TAFA3: variants seen among roughly 807,000 people sequenced by gnomAD.
TAFA3 encodes the protein chemokine-like protein TAFA-3.
In TAFA3, 17 loss-of-function variants were observed where a neutral mutation model predicts 20.7. The observed-to-expected ratio is 0.82, with a 90% CI of 0.56 to 1.23. TAFA3 has a LOEUF of 1.23. Ranked by LOEUF, TAFA3 falls within the 50% of genes most tolerant of loss-of-function variation. TAFA3 has a pLI of 0.00. For missense variants in TAFA3, 174 were observed against 172.8 expected, an observed-to-expected ratio of 1.01 and a Z score of -0.04; for synonymous variants, 74 against 71.8, an observed-to-expected ratio of 1.03 and a Z score of -0.16.
At chr1:112,723,861 C>A in intron 4 of TAFA3, 152 bp from the exon 5 acceptor site, 1 of 1,514,414 alleles carries the variant, frequency 6.6e-7, no homozygotes, top group South Asian at 1.2e-5. Context: ...TACTGCCTCT[C>A]TGGGCAGCCT....
chr1:112,722,388 A>G, intron 3 of TAFA3, 40 bp downstream of exon 3: 2 of 1,565,040 alleles, frequency 1.3e-6, no homozygotes, highest in Non-Finnish European at 1.8e-6. Context: ...GGAGTTTCCC[A>G]GGACACCTGG....
At position 112,726,747 on chromosome 1, in the gene TAFA3, T is replaced by G; in HGVS notation, c.*107T>G. On this transcript the variant is annotated 3_prime_UTR_variant, in exon 6 of 6. Transcript: ENST00000361886. ...GATGGGGATTCACTTACATGCCTCA[T>G]GTCAAATGCAGCATCAGTCTTTCCG... 6.4e-7 allele frequency: 1 copy of G among 1,550,720 alleles called. No homozygotes were observed. Among genetic ancestry groups the G allele is most frequent in the Non-Finnish European group, 8.9e-7 (1 of 1,123,196 alleles).
At position 112,723,007 on chromosome 1, in the gene TAFA3, T is replaced by A; in HGVS notation, c.116-9T>A. On this transcript the variant is annotated splice_polypyrimidine_tract_variant and intron_variant, in intron 3 of 5. Coordinates refer to ENST00000361886, the MANE Select transcript of TAFA3 (RefSeq NM_182759.3). ...TGTTGGGCGTCTGATCCTGGGCGGC[T>A]CCCCTCAGTGCTTGTGCAGCAGGGC... 1 of 1,605,348 alleles carries A rather than the reference T, an allele frequency of 6.2e-7. No individual in the cohort carries two copies. Among genetic ancestry groups the A allele is most frequent in the Non-Finnish European group, 8.5e-7 (1 of 1,175,756 alleles).
At position 112,724,058 on chromosome 1, in the gene TAFA3, T is replaced by G; in HGVS notation, c.311T>G (p.Leu104Arg). ...QRWWCQMEPC[L>R]PGEECKVLPD... ...TGGTGGTGTCAGATGGAGCCCTGCC[T>G]GCCGGGGGAGGAGTGTAAGGTGCTC... Residue 104 changes from leucine (L) to arginine (R), a missense_variant, in exon 5 of 6, where the codon CTG (leucine) becomes CGG (arginine). Physicochemically the swap from Leu to Arg is moderately radical, Grantham distance 102. Transcript: ENST00000361886. 1 of 1,613,832 alleles carries G rather than the reference T, an allele frequency of 6.2e-7. No homozygotes were observed. The highest frequency in any genetic ancestry group is 1.1e-5 in the South Asian group (1 of 91,052).
chr1:112,724,150 G>A lies in TAFA3; in HGVS notation c.390+13G>A. On this transcript the variant is annotated intron_variant, in intron 5 of 5. Transcript: ENST00000361886. ...CAAAACCACCAAGGTACCCTGGGTG[G>A]GCACCTCATCCCACCCTCCCCTTCC... 2 of 1,575,556 alleles carry A rather than the reference G, an allele frequency of 1.3e-6. No homozygotes were observed. Among genetic ancestry groups the A allele is most frequent in the Non-Finnish European group, 1.7e-6 (2 of 1,158,832 alleles).
intron 5 of TAFA3, among the ~76,000 whole-genome samples, chr1:112,725,106 G>C (rs1675436218): frequency 6.6e-6 from 1 of 152,160 alleles, no homozygotes; most frequent in South Asian, 2.1e-4. Flanking sequence ...TGAAGGCCAT[G>C]ATCCTAAGGG....
chr1:112,719,501 T>C (rs1675279319), intron 1 of TAFA3, among the ~76,000 whole-genome samples: 1 of 152,076 alleles, frequency 6.6e-6, no homozygotes, highest in African/African-American at 2.4e-5. Flanking sequence ...GGCAGGAGCA[T>C]GGAAGTCGAA....
chr1:112,722,763 G>C (rs919718078), intron 3 of TAFA3, among the ~76,000 whole-genome samples: 1 of 152,192 alleles, frequency 6.6e-6, no homozygotes, highest in African/African-American at 2.4e-5. Context: ...GGGCTGGTGC[G>C]GGACTCTGTC....
At chr1:112,721,996 G>A (rs917270191) in intron 2 of TAFA3, among the ~76,000 whole-genome samples, 10 of 152,176 alleles carry the variant, frequency 6.6e-5, no homozygotes, top group African/African-American at 2.4e-4. Context: ...TGGGCCCATA[G>A]CTAGTTCATC....
rs1675485691 is a variant in TAFA3 at position 112,726,958 on chromosome 1, A to T, written c.*318A>T. ...TTTAGGTTAAAGTACTTGATACCAG[A>T]CTGCGGCTTCTGGGCCACATGCTAT... On this transcript the variant is annotated 3_prime_UTR_variant, in exon 6 of 6. Coordinates refer to ENST00000361886, the MANE Select transcript of TAFA3 (RefSeq NM_182759.3). 2.7e-6 allele frequency: 1 copy of T among 374,220 alleles called. No homozygotes were observed. Among genetic ancestry groups the T allele is most frequent in the African/African-American group, 2.1e-5 (1 of 47,970 alleles). 23.2% of individuals were successfully genotyped at this position (374,220 alleles called of 1,614,324 possible).
intron 2 of TAFA3, 53 bp from the exon 3 acceptor site, chr1:112,722,180 G>A: frequency 1.3e-6 from 2 of 1,582,668 alleles, no homozygotes; most frequent in South Asian, 1.1e-5. Flanking sequence ...GTGCCCAGGT[G>A]CACAGGGGAG....
chr1:112,726,799 G>A lies in TAFA3; in HGVS notation c.*159G>A, dbSNP rs1675481842. 1.9e-6 allele frequency: 2 copies of A among 1,079,820 alleles called. No individual in the cohort carries two copies. The highest frequency in any genetic ancestry group is 2.9e-5 in the South Asian group (2 of 68,166). 66.9% of individuals were successfully genotyped at this position (1,079,820 alleles called of 1,614,324 possible). ...GGCATTTCAGTTAAGCTGCTCAGCA[G>A]ATATGGATGGATCTGCAATCACATA... is the stretch of plus-strand genomic sequence containing the variant. On this transcript the variant is annotated 3_prime_UTR_variant, in exon 6 of 6. Coordinates refer to ENST00000361886, the MANE Select transcript of TAFA3 (RefSeq NM_182759.3).
At chr1:112,719,351 G>T (rs1192250904) in intron 1 of TAFA3, among the ~76,000 whole-genome samples, 52 bp downstream of exon 1, 1 of 152,214 alleles carries the variant, frequency 6.6e-6, no homozygotes, top group Admixed American at 6.5e-5. Flanking sequence ...TAGGCGTTAG[G>T]GGGGTTTGTG....
At chr1:112,724,797 A>AAC (rs1553192216) in intron 5 of TAFA3, among the ~76,000 whole-genome samples, 1 of 146,002 alleles carries the variant, frequency 6.8e-6, no homozygotes, top group African/African-American at 2.5e-5. Flanking sequence ...AAAAAAAAAA[A>AAC]AACAACATAT....
intron 5 of TAFA3, among the ~76,000 whole-genome samples, chr1:112,724,799 ACAACATATTAGAGCAGC>A (rs1675423000): frequency 1.4e-5 from 2 of 140,102 alleles, no homozygotes; most frequent in African/African-American, 5.4e-5. Flanking sequence ...AAAAAAAAAA[ACAACATATTAGAGCAGC>A]AAAAAAAAAA....
chr1:112,719,204 T>A lies in TAFA3; in HGVS notation c.-155T>A, dbSNP rs1675272612. ...GACAGCACCCAAGCTGGCCGCTCCC[T>A]CCCAAAGTCTGTCTTTCGGAGTGCT... On this transcript the variant is annotated 5_prime_UTR_variant, in exon 1 of 6. Coordinates refer to ENST00000361886, the MANE Select transcript of TAFA3 (RefSeq NM_182759.3). 2.0e-5 allele frequency among the ~76,000 whole-genome samples: 3 copies of A among 152,172 alleles called. No homozygotes were observed. In the South Asian group the frequency reaches 6.2e-4, roughly 31 times the overall value.
intron 4 of TAFA3, chr1:112,723,805 G>A (rs1675390706): frequency 1.4e-5 from 12 of 888,446 alleles, no homozygotes; most frequent in Non-Finnish European, 1.7e-6. Context: ...GCAGGGATCG[G>A]TGGGATTAAA....
At chr1:112,719,715 G>A (rs1333809555) in intron 1 of TAFA3, among the ~76,000 whole-genome samples, 3 of 152,104 alleles carry the variant, frequency 2.0e-5, no homozygotes, top group Non-Finnish European at 2.9e-5. Flanking sequence ...CCTGAGAGAA[G>A]ACAAAGCTGC....
In TAFA3 at chr1:112,722,260, G is replaced by A; in HGVS notation, c.27G>A (p.Trp9Ter). 1 of 1,614,130 alleles carries A rather than the reference G, an allele frequency of 6.2e-7. No homozygotes were observed. Among genetic ancestry groups the A allele is most frequent in the Non-Finnish European group, 8.5e-7 (1 of 1,180,028 alleles). Reference sequence around the variant, plus strand: ...TGAGTGAGAGGGTCGAGCGGAACTGGAGCACGGGCGGCTGGCTGCTGGCAC... The same window carrying A: ...TGAGTGAGAGGGTCGAGCGGAACTGAAGCACGGGCGGCTGGCTGCTGGCAC... Reference protein sequence around the residue: MSERVERNWSTGGWLLALC... With the variant: MSERVERN Residue 9 changes from tryptophan to a stop codon, truncating the protein, a stop_gained, in exon 3 of 6, where the codon TGG (tryptophan) becomes TGA (stop). Transcript: ENST00000361886. LOFTEE classifies it high-confidence loss of function.
Sources: gnomAD v4.1 joint callset for allele counts (sites outside exome capture counted in the v4.1 genomes callset) on GRCh38, gnomAD v4.1.1 for gene constraint, MANE v1.5 for transcripts, NCBI Gene and HGNC (gene_info 2026-07-23, HGNC 2026-07-21) for gene names.